The following MAN1A1 variants were observed in gnomAD, a reference collection of about 807,000 sequenced individuals.
The protein encoded by MAN1A1 is mannosidase alpha class 1A member 1.
In MAN1A1, 29 loss-of-function variants were observed where a neutral mutation model predicts 70.8. That is an observed-to-expected ratio of 0.41 (90% CI 0.31 to 0.56). The LOEUF (loss-of-function observed/expected upper bound fraction) is 0.56, where lower values mean the gene tolerates loss of function less well. MAN1A1 is among the 20% of genes least tolerant of loss of function. The pLI is 0.29. For missense variants in MAN1A1, 747 were observed against 841.3 expected (o/e 0.89, Z 1.39); for synonymous variants, 349 against 330.1 (o/e 1.06, Z -0.62).
At chr6:119,208,893 G>A (rs745621862) in intron 6 of MAN1A1, among the ~76,000 whole-genome samples, 5 of 152,038 alleles carry the variant, frequency 3.3e-5, no homozygotes, top group Admixed American at 6.5e-5. Context: ...TCAGGAGTTC[G>A]AGACCAGCCT....
At chr6:119,330,308 CCTCT>C (rs1053467954) in intron 2 of MAN1A1, among the ~76,000 whole-genome samples, 2 of 152,022 alleles carry the variant, frequency 1.3e-5, no homozygotes, top group African/African-American at 2.4e-5. Context: ...CCTCTCCACT[CCTCT>C]CTCTCTCCTG....
chr6:119,331,584 T>TATATATAC (rs1773315921), intron 2 of MAN1A1, among the ~76,000 whole-genome samples: 1 of 145,722 alleles, frequency 6.9e-6, no homozygotes, highest in African/African-American at 2.5e-5. Context: ...TATATATATA[T>TATATATAC]ATATATATAT....
At chr6:119,224,476 GA>G (rs2114264085) in intron 6 of MAN1A1, among the ~76,000 whole-genome samples, 1 of 152,300 alleles carries the variant, frequency 6.6e-6, no homozygotes, top group African/African-American at 2.4e-5. Flanking sequence ...GAACTGAGCA[GA>G]AATACCAGCT....
intron 5 of MAN1A1, among the ~76,000 whole-genome samples, chr6:119,277,936 C>CGAAA (rs1776117489): frequency 4.3e-5 from 1 of 23,176 alleles, no homozygotes; most frequent in Non-Finnish European, 7.4e-5. Flanking sequence ...GACTCCATCT[C>CGAAA]AAAAAAAAAA....
chr6:119,298,713 C>T (rs1772296606), intron 4 of MAN1A1, among the ~76,000 whole-genome samples: 1 of 151,864 alleles, frequency 6.6e-6, no homozygotes, highest in Non-Finnish European at 1.5e-5. Context: ...TCTCCTGCCT[C>T]AGCCCCCCAA....
intron 5 of MAN1A1, among the ~76,000 whole-genome samples, chr6:119,271,505 T>C (rs957110024): frequency 1.4e-5 from 2 of 143,440 alleles, no homozygotes; most frequent in Non-Finnish European, 3.1e-5. Context: ...TAGCCCCATC[T>C]TTTTTTTTTT....
chr6:119,189,577 A>C (rs1459884947), intron 10 of MAN1A1, 87 bp downstream of exon 10: 7 of 1,167,964 alleles, frequency 6.0e-6, no homozygotes, highest in Admixed American at 1.7e-5. Context: ...GGCAGAGCGG[A>C]TAGTCTTTTG....
intron 8 of MAN1A1, 48 bp downstream of exon 8, chr6:119,201,206 G>T: frequency 1.5e-6 from 2 of 1,367,120 alleles, no homozygotes; most frequent in Non-Finnish European, 2.1e-6. Context: ...CTCTCTCCAC[G>T]AGTACAGTAC....
At chr6:119,199,542 AT>A (rs958805081) in intron 8 of MAN1A1, among the ~76,000 whole-genome samples, 110 of 147,350 alleles carry the variant, frequency 7.5e-4, no homozygotes, top group Admixed American at 2.3e-3. Flanking sequence ...AGAATCACTA[AT>A]TTTTTTTTTT....
At chr6:119,225,636 A>G (rs1380207365) in intron 6 of MAN1A1, among the ~76,000 whole-genome samples, 2 of 152,318 alleles carry the variant, frequency 1.3e-5, no homozygotes, top group Non-Finnish European at 2.9e-5. Flanking sequence ...TCTTGAAAGT[A>G]CCCAGAAAAT....
intron 6 of MAN1A1, among the ~76,000 whole-genome samples, chr6:119,236,130 G>A (rs2092218): frequency 0.47 from 57,144 of 122,602 alleles, 11,886 homozygotes; most frequent in African/African-American, 0.53. Context: ...GCAAGACTCC[G>A]TCTAAAAAAA....
chr6:119,177,683 G>C lies in MAN1A1; in HGVS notation c.*2136C>G, dbSNP rs578146702. 6.6e-6 allele frequency: 1 copy of C among 151,758 alleles called. No individual in the cohort carries two copies. The highest frequency in any genetic ancestry group is 2.4e-5 in the African/African-American group (1 of 41,418). 9.4% of individuals were successfully genotyped at this position (151,758 alleles called of 1,614,324 possible). ...ACATTTTTGGTGTTTTGGGACTTTTGTTAAAAAAAAATCCAAGTTCTAGAA... is the reference window on the plus strand; with the variant it reads ...ACATTTTTGGTGTTTTGGGACTTTTCTTAAAAAAAAATCCAAGTTCTAGAA... On this transcript the variant is annotated 3_prime_UTR_variant, in exon 13 of 13. Transcript: ENST00000368468.
At chr6:119,270,578 A>G (rs1364128178) in intron 5 of MAN1A1, among the ~76,000 whole-genome samples, 1 of 152,162 alleles carries the variant, frequency 6.6e-6, no homozygotes, top group Non-Finnish European at 1.5e-5. Context: ...CTCTATGAAT[A>G]TGCCTATTTT....
intron 11 of MAN1A1, among the ~76,000 whole-genome samples, chr6:119,183,834 C>T (rs1773216294): frequency 6.6e-6 from 1 of 152,030 alleles, no homozygotes; most frequent in African/African-American, 2.4e-5. Flanking sequence ...GCTTGAGACC[C>T]CCTTATCAGT....
Position 119,325,638 on chromosome 6 carries a change from A to G in MAN1A1, c.604-18646T>C, listed in dbSNP as rs6922867. ...CACCACTGCACCCCAACGTGACAGA[A>G]CAATACTCCGTCGCCGGGGGCAGGG... On this transcript the variant is annotated intron_variant, in intron 2 of 12. Transcript: ENST00000368468. Among the ~76,000 whole-genome samples, 894 of 152,266 alleles carry G rather than the reference A, an allele frequency of 5.9e-3. 28 individuals carry two copies. The East Asian group carries it at 0.09, about 15-fold the overall frequency.
chr6:119,185,742 A>G (rs1283028264), intron 11 of MAN1A1, among the ~76,000 whole-genome samples: 1 of 151,206 alleles, frequency 6.6e-6, no homozygotes, highest in Non-Finnish European at 1.5e-5. Flanking sequence ...ACGCCTGGTT[A>G]ATTTTTTTTT....
intron 5 of MAN1A1, among the ~76,000 whole-genome samples, chr6:119,279,977 G>A (rs1776185458): frequency 1.3e-5 from 2 of 152,184 alleles, no homozygotes; most frequent in Admixed American, 6.5e-5. Context: ...TGACAGAACT[G>A]AACATCTGTT....
intron 6 of MAN1A1, among the ~76,000 whole-genome samples, chr6:119,229,214 CAA>C (rs10602711): frequency 0.8 from 110,268 of 137,606 alleles, 43,299 homozygotes; most frequent in Non-Finnish European, 0.84. Context: ...TGTTCTGAGA[CAA>C]AAAAAAAAAA....
At chr6:119,243,725 A>T (rs1430711534) in intron 6 of MAN1A1, among the ~76,000 whole-genome samples, 2 of 152,130 alleles carry the variant, frequency 1.3e-5, no homozygotes, top group Non-Finnish European at 2.9e-5. Flanking sequence ...CTGTAATGTA[A>T]CCAATGACAT....
Sources: gnomAD v4.1 joint callset for allele counts (sites outside exome capture counted in the v4.1 genomes callset) on GRCh38, gnomAD v4.1.1 for gene constraint, MANE v1.5 for transcripts, NCBI Gene and HGNC (gene_info 2026-07-23, HGNC 2026-07-21) for gene names.